RNF13: variants seen among roughly 807,000 people sequenced by gnomAD.
RNF13 encodes the protein ring finger protein 13.
In RNF13, 19 loss-of-function variants were observed where a neutral mutation model predicts 37.7. The ratio of observed to expected loss-of-function variants is 0.50; its 90% confidence interval spans 0.35 to 0.74. RNF13 has a LOEUF of 0.74. Among genes scored for constraint, RNF13 ranks in the 30% least tolerant of loss-of-function variants. The pLI, the probability that RNF13 is intolerant of heterozygous loss-of-function variation, is 0.01. For synonymous variants in RNF13, 144 were observed against 157.8 expected (o/e 0.91, Z 0.65); for missense variants, 375 against 453.0 (o/e 0.83, Z 1.56).
intron 4 of RNF13, among the ~76,000 whole-genome samples, chr3:149,893,207 C>T (rs549923586): frequency 7.2e-5 from 11 of 152,156 alleles, no homozygotes; most frequent in East Asian, 5.8e-4. Flanking sequence ...AGTTTTTACT[C>T]GTTGTGCTTT....
At chr3:149,873,515 C>CT in intron 4 of RNF13, among the ~76,000 whole-genome samples, 1 of 152,134 alleles carries the variant, frequency 6.6e-6, no homozygotes, top group Non-Finnish European at 1.5e-5. Flanking sequence ...CAGCTCATCT[C>CT]TTTTCACTGC....
chr3:149,879,237 T>C (rs2108456955), intron 4 of RNF13, among the ~76,000 whole-genome samples: 1 of 152,250 alleles, frequency 6.6e-6, no homozygotes, highest in Admixed American at 6.5e-5. Context: ...AATACTTAGT[T>C]TAAGAGAGAC....
intron 2 of RNF13, among the ~76,000 whole-genome samples, chr3:149,847,946 G>A (rs765877564): frequency 8.5e-5 from 13 of 152,086 alleles, no homozygotes; most frequent in Non-Finnish European, 1.6e-4. Flanking sequence ...TTGTGCTCTG[G>A]GAACTTAAGC....
chr3:149,889,962 A>G (rs1383708353), intron 4 of RNF13, among the ~76,000 whole-genome samples: 1 of 152,212 alleles, frequency 6.6e-6, no homozygotes, highest in Non-Finnish European at 1.5e-5. Context: ...GGCATGAGCT[A>G]TCGCGCCCGG....
chr3:149,815,747 G>A (rs999396770), intron 1 of RNF13, among the ~76,000 whole-genome samples: 1 of 152,140 alleles, frequency 6.6e-6, no homozygotes, highest in Admixed American at 6.5e-5. Flanking sequence ...CATATGATTG[G>A]TATTGTCAAA....
At chr3:149,839,664 C>T (rs968086620) in intron 1 of RNF13, among the ~76,000 whole-genome samples, 3 of 152,186 alleles carry the variant, frequency 2.0e-5, no homozygotes, top group Admixed American at 6.5e-5. Flanking sequence ...TAACCTCCCA[C>T]GAGGTTTCTC....
intron 8 of RNF13, among the ~76,000 whole-genome samples, chr3:149,940,962 A>C (rs1457333397): frequency 6.6e-6 from 1 of 152,210 alleles, no homozygotes; most frequent in Non-Finnish European, 1.5e-5. Context: ...TCCTTTTGCA[A>C]CTGGCATATT....
chr3:149,871,360 T>C (rs930089651), intron 3 of RNF13, among the ~76,000 whole-genome samples: 2 of 150,876 alleles, frequency 1.3e-5, no homozygotes, highest in African/African-American at 2.4e-5. Flanking sequence ...CATTTTCTTA[T>C]GTCAAACCAT....
At chr3:149,960,006 A>G (rs1722223521) in intron 8 of RNF13, 50 bp from the exon 9 acceptor site, 1 of 1,290,046 alleles carries the variant, frequency 7.8e-7, no homozygotes, top group Non-Finnish European at 1.1e-6. Flanking sequence ...GACTAACTTG[A>G]AAAGTTTGAA....
At position 149,826,320 on chromosome 3, in the gene RNF13, G is replaced by A. The variant is rs138748249; in HGVS notation, c.-17+12967G>A. The stretch of plus-strand genomic sequence containing the variant: ...ACCTTTATGGCAATAATAACTGTAA[G>A]GACTATAGTGTAGGATAGAGTCTTT... On this transcript the variant is annotated intron_variant, in intron 1 of 9. Coordinates refer to ENST00000392894, the MANE Select transcript of RNF13 (RefSeq NM_183381.3). 1.5e-3 allele frequency among the ~76,000 whole-genome samples: 236 copies of A among 152,326 alleles called. 3 individuals carry two copies. Among genetic ancestry groups the A allele is most frequent in the Non-Finnish European group, 2.4e-3 (165 of 68,032 alleles).
At chr3:149,933,747 CTAATTTTTGTA>C (rs1719408530) in intron 8 of RNF13, among the ~76,000 whole-genome samples, 1 of 151,866 alleles carries the variant, frequency 6.6e-6, no homozygotes, top group South Asian at 2.1e-4. Flanking sequence ...CCACGCCTGG[CTAATTTTTGTA>C]TTCTTAGTAG....
At chr3:149,901,865 T>C (rs543615984) in intron 5 of RNF13, among the ~76,000 whole-genome samples, 1 of 152,310 alleles carries the variant, frequency 6.6e-6, no homozygotes, top group South Asian at 2.1e-4. Flanking sequence ...GTAATGTGTA[T>C]ATGCAAAATG....
chr3:149,823,631 T>G (rs930996966), intron 1 of RNF13, among the ~76,000 whole-genome samples: 5 of 152,204 alleles, frequency 3.3e-5, no homozygotes, highest in African/African-American at 1.2e-4. Flanking sequence ...AGCAAGAAAA[T>G]AGACAAAGTC....
intron 8 of RNF13, among the ~76,000 whole-genome samples, chr3:149,924,073 T>C (rs928937504): frequency 6.6e-6 from 1 of 152,190 alleles, no homozygotes; most frequent in African/African-American, 2.4e-5. Flanking sequence ...AAATACTGGC[T>C]GTATCTGGAG....
At chr3:149,843,380 A>G (rs1370815393) in intron 1 of RNF13, among the ~76,000 whole-genome samples, 2 of 152,208 alleles carry the variant, frequency 1.3e-5, no homozygotes, top group South Asian at 2.1e-4. Flanking sequence ...ACATCAAAGT[A>G]TGAGCACTAG....
intron 1 of RNF13, among the ~76,000 whole-genome samples, chr3:149,832,592 C>A (rs1340718357): frequency 2.0e-5 from 3 of 151,856 alleles, no homozygotes; most frequent in Non-Finnish European, 4.4e-5. Flanking sequence ...CTCAGCCAAA[C>A]CAACAATTGG....
intron 1 of RNF13, among the ~76,000 whole-genome samples, chr3:149,823,587 T>G (rs1431123257): frequency 3.9e-5 from 6 of 152,180 alleles, no homozygotes; most frequent in Non-Finnish European, 5.9e-5. Context: ...TGGAAAATTA[T>G]TTGTAATAGT....
intron 8 of RNF13, among the ~76,000 whole-genome samples, chr3:149,945,740 A>T (rs1163173628): frequency 1.3e-5 from 2 of 152,180 alleles, no homozygotes; most frequent in Non-Finnish European, 2.9e-5. Context: ...ACAATCTGGC[A>T]GCACCATTTG....
At chr3:149,813,468 G>C (rs1439213250) in intron 1 of RNF13, 115 bp downstream of exon 1, 3 of 152,416 alleles carry the variant, frequency 2.0e-5, no homozygotes. Context: ...TGAGGTCTTT[G>C]CTGCTCCTCT....
Sources: allele counts gnomAD v4.1 joint callset (sites outside exome capture counted in the v4.1 genomes callset), GRCh38; gene constraint gnomAD v4.1.1; transcripts MANE v1.5; gene names NCBI Gene and HGNC (gene_info 2026-07-23, HGNC 2026-07-21).